OR8B2: variants seen among roughly 807,000 people sequenced by gnomAD.
OR8B2 encodes olfactory receptor 8B2.
For synonymous variants in OR8B2, 98 were observed against 138.2 expected, an observed-to-expected ratio of 0.71 and a Z score of 2.04; for missense variants, 304 against 379.6, an observed-to-expected ratio of 0.80 and a Z score of 1.65.
upstream of OR8B2, among the ~76,000 whole-genome samples, chr11:124,386,512 GT>G (rs1440170535): frequency 6.8e-6 from 1 of 146,944 alleles, no homozygotes; most frequent in Non-Finnish European, 1.5e-5. Flanking sequence ...GTGGTGTTTG[GT>G]TTTTTGTTCT....
At chr11:124,396,383 A>G in the OR8B2 span, 9 of 1,555,648 alleles carry the variant, frequency 5.8e-6, no homozygotes, top group Admixed American at 1.9e-4. Context: ...AAGTTCTTCA[A>G]TCGTTTTACA....
chr11:124,397,175 C>T, the OR8B2 span: 13 of 1,612,182 alleles, frequency 8.1e-6, no homozygotes, highest in Non-Finnish European at 1.1e-5. Context: ...GGAAATAGTA[C>T]ATTGGTGTGT....
In OR8B2 at chr11:124,383,245, C is replaced by A. The variant is rs572657870; in HGVS notation, c.99G>T (p.Val33=). The A allele has an allele frequency of 6.2e-7, 1 of 1,613,942 alleles. No individual in the cohort carries two copies. The highest frequency in any genetic ancestry group is 2.2e-5 in the East Asian group (1 of 44,880). ...TGCCTACCATGGTGACAATGTAGAT[C>A]ACTAGAAACAGGAAAAAGAGGGGTT... is the stretch of plus-strand genomic sequence containing the variant. ...FRQPLFFLFL[V]IYIVTMVGNL... is the part of the protein sequence containing the mutation. Residue 33 remains valine, a synonymous_variant, in exon 2 of 2, where the codon GTG becomes GTT. Transcript: ENST00000641451.
upstream of OR8B2, among the ~76,000 whole-genome samples, chr11:124,385,491 C>CGTGT (rs57427804): frequency 0.01 from 1,481 of 148,084 alleles, 8 homozygotes; most frequent in African/African-American, 0.013. Context: ...ATTTAACATG[C>CGTGT]GTGTGTGTGT....
the OR8B2 span, among the ~76,000 whole-genome samples, chr11:124,391,477 C>A: frequency 6.6e-6 from 1 of 152,084 alleles, no homozygotes; most frequent in Non-Finnish European, 1.5e-5. Flanking sequence ...TCAGAGAATA[C>A]TACAAACACC....
At chr11:124,388,578 A>G (rs1283989502), upstream of OR8B2, among the ~76,000 whole-genome samples, 1 of 152,164 alleles carries the variant, frequency 6.6e-6, no homozygotes, top group African/African-American at 2.4e-5. Context: ...GGACTTGACC[A>G]GATGTATTCT....
Position 124,384,497 on chromosome 11 carries a change from C to T in OR8B2, c.-141G>A, listed in dbSNP as rs1855899588. ...ACATGTAGTCAAAGAATCTTCTTCTCCCTTACCTGGCAAAAGCATTGAGCA... is the reference window on the plus strand; with the variant it reads ...ACATGTAGTCAAAGAATCTTCTTCTTCCTTACCTGGCAAAAGCATTGAGCA... On this transcript the variant is annotated 5_prime_UTR_variant, in exon 1 of 2. Transcript: ENST00000641451. 6.6e-6 allele frequency: 1 copy of T among 152,176 alleles called. No homozygotes were observed. The highest frequency in any genetic ancestry group is 2.1e-4 in the South Asian group (1 of 4,832). The allele number at this position is 152,176 out of a possible 1,614,324, so 9.4% of individuals were successfully genotyped here.
Position 124,383,094 on chromosome 11 carries a change from T to C in OR8B2, c.250A>G (p.Asn84Asp). 1 of 1,613,920 alleles carries C rather than the reference T, an allele frequency of 6.2e-7. No homozygotes were observed. The highest frequency in any genetic ancestry group is 1.1e-5 in the South Asian group (1 of 91,074). ...ATAATATTCTTTTTTGACACAAAGT[T>C]CATTAGCATTTTGGGAGTGAAAACA... is the stretch of plus-strand genomic sequence containing the variant. ...SSVFTPKMLMNFVSKKNIISN... is the reference protein window; with the variant it reads ...SSVFTPKMLMDFVSKKNIISN... The change falls in exon 2 of 2, where the codon AAC (asparagine) becomes GAC (aspartate). Residue 84 changes from asparagine (N) to aspartate (D), a missense_variant. Transcript: ENST00000641451.
the OR8B2 span, among the ~76,000 whole-genome samples, chr11:124,391,387 AAGAG>A: frequency 3.3e-5 from 5 of 152,154 alleles, no homozygotes; most frequent in Non-Finnish European, 5.9e-5. Flanking sequence ...TAAAGAAAAA[AAGAG>A]AGAAGAATCA....
At chr11:124,388,659 A>G (rs1018946021), upstream of OR8B2, among the ~76,000 whole-genome samples, 7 of 152,074 alleles carry the variant, frequency 4.6e-5, no homozygotes, top group South Asian at 2.1e-4. Flanking sequence ...CTACTGATTT[A>G]TTTCATCAAA....
intron 1 of OR8B2, among the ~76,000 whole-genome samples, chr11:124,383,992 C>A (rs1230038390): frequency 1.3e-5 from 2 of 152,146 alleles, no homozygotes; most frequent in Non-Finnish European, 2.9e-5. Context: ...AATGTGCTTT[C>A]ACAGGTCTTT....
upstream of OR8B2, among the ~76,000 whole-genome samples, chr11:124,388,120 A>T (rs1443783521): frequency 6.6e-6 from 1 of 152,152 alleles, no homozygotes; most frequent in Non-Finnish European, 1.5e-5. Context: ...GTATCCTGAG[A>T]CTTTGCTGAA....
the OR8B2 span, among the ~76,000 whole-genome samples, chr11:124,394,960 G>A: frequency 5.3e-5 from 8 of 152,126 alleles, no homozygotes; most frequent in African/African-American, 1.9e-4. Context: ...CCAGCACTTT[G>A]GGAGGATGAA....
chr11:124,385,438 A>G (rs2134193194), upstream of OR8B2, among the ~76,000 whole-genome samples: 1 of 152,220 alleles, frequency 6.6e-6, no homozygotes, highest in South Asian at 2.1e-4. Context: ...GGAAACTGAC[A>G]TAGGTTCAAT....
At chr11:124,389,505 A>G in the OR8B2 span, among the ~76,000 whole-genome samples, 60,878 of 151,858 alleles carry the variant, frequency 0.4, 13,658 homozygotes, top group African/African-American at 0.63. Context: ...ATCATGAGTG[A>G]GTGTGTCTCT....
the OR8B2 span, chr11:124,395,662 T>A: frequency 7.0e-4 from 107 of 152,282 alleles, no homozygotes; most frequent in African/African-American, 2.4e-3. Context: ...TAGATAGCAA[T>A]GAATGAAAGT....
intron 1 of OR8B2, among the ~76,000 whole-genome samples, chr11:124,383,695 T>A (rs1473980516): frequency 6.6e-6 from 1 of 152,232 alleles, no homozygotes; most frequent in East Asian, 1.9e-4. Context: ...TAGTTTCTAC[T>A]TATGTTTCCA....
chr11:124,386,408 TC>T (rs1414111046), upstream of OR8B2, among the ~76,000 whole-genome samples: 3 of 69,942 alleles, frequency 4.3e-5, no homozygotes, highest in South Asian at 1.3e-3. Flanking sequence ...CCCTCCCCCC[TC>T]CCCCCACCCC....
At chr11:124,389,564 G>C in the OR8B2 span, among the ~76,000 whole-genome samples, 4 of 152,082 alleles carry the variant, frequency 2.6e-5, no homozygotes, top group African/African-American at 9.7e-5. Flanking sequence ...TCTTAGATGG[G>C]CTCTCACATG....
Sources: gnomAD v4.1 joint callset for allele counts (sites outside exome capture counted in the v4.1 genomes callset) on GRCh38, gnomAD v4.1.1 for gene constraint, MANE v1.5 for transcripts, NCBI Gene and HGNC (gene_info 2026-07-23, HGNC 2026-07-21) for gene names.